Variants in COLGALT2 observed in about 807,000 individuals in gnomAD.
The protein encoded by COLGALT2 is collagen beta(1-O)galactosyltransferase 2, also known as procollagen galactosyltransferase 2.
In COLGALT2, 49 loss-of-function variants were observed where a neutral mutation model predicts 73.4. That is an observed-to-expected ratio of 0.67 (90% CI 0.53 to 0.85). The LOEUF is 0.85. Ranked by LOEUF, COLGALT2 falls within the 40% of genes least tolerant of loss-of-function variation. The pLI is 0.00. For synonymous variants in COLGALT2, 295 were observed against 307.6 expected (o/e 0.96, Z 0.43); for missense variants, 722 against 790.2 (o/e 0.91, Z 1.03).
intron 7 of COLGALT2, among the ~76,000 whole-genome samples, chr1:183,954,433 C>T (rs534186263): frequency 2.8e-4 from 42 of 152,252 alleles, no homozygotes; most frequent in African/African-American, 8.4e-4. Context: ...AACATGTATC[C>T]TCTGTATCTT....
At chr1:183,995,195 A>G (rs368985562) in intron 1 of COLGALT2, among the ~76,000 whole-genome samples, 26 of 152,234 alleles carry the variant, frequency 1.7e-4, no homozygotes, top group East Asian at 5.8e-4. Flanking sequence ...TGCAAATGTA[A>G]GTACTTCATC....
rs963607748 is a variant in COLGALT2, at chr1:183,937,473, G to C, written c.*1288C>G. The C allele has an allele frequency of 8.0e-5, 79 of 985,440 alleles. No homozygotes were observed. The highest frequency in any genetic ancestry group is 1.0e-3 in the Middle Eastern group (2 of 1,936). 61.0% of individuals were successfully genotyped at this position (985,440 alleles called of 1,614,324 possible). A position where few individuals can be genotyped will look rare whatever the true frequency, so the allele number is the denominator to read the frequency against. On this transcript the variant is annotated 3_prime_UTR_variant, in exon 12 of 12. Transcript: ENST00000361927. The stretch of plus-strand genomic sequence containing the variant: ...TCTTAGGGGATATCTTTTGAGAAAG[G>C]GTGTCCGCCTGGGATTCTAAGAGCT...
intron 8 of COLGALT2, among the ~76,000 whole-genome samples, chr1:183,947,405 A>G (rs1670281035): frequency 6.6e-6 from 1 of 152,218 alleles, no homozygotes; most frequent in Non-Finnish European, 1.5e-5. Flanking sequence ...GAAATCACAC[A>G]AGGTATGTTC....
Position 183,938,690 on chromosome 1 carries a change from A to G in COLGALT2, c.*71T>C. On this transcript the variant is annotated 3_prime_UTR_variant, in exon 12 of 12. Transcript: ENST00000361927. ...ACAAAACAAAACAGAAAACTGGAGC[A>G]AACAGATGAATAGCCCTTTAGAAAA... 1 of 1,563,004 alleles carries G rather than the reference A, an allele frequency of 6.4e-7. No homozygotes were observed. Among genetic ancestry groups the G allele is most frequent in the South Asian group, 1.2e-5 (1 of 81,498 alleles).
intron 1 of COLGALT2, among the ~76,000 whole-genome samples, chr1:183,996,191 G>A (rs1671765798): frequency 6.6e-6 from 1 of 152,198 alleles, no homozygotes; most frequent in Non-Finnish European, 1.5e-5. Flanking sequence ...ATGCTGGGGA[G>A]GAGGCGCACA....
At chr1:183,981,995 T>C (rs1252117115) in intron 1 of COLGALT2, among the ~76,000 whole-genome samples, 1 of 151,458 alleles carries the variant, frequency 6.6e-6, no homozygotes, top group Non-Finnish European at 1.5e-5. Context: ...AAATAGATAC[T>C]TAAATTAAAA....
At chr1:183,991,532 A>G (rs894549076) in intron 1 of COLGALT2, among the ~76,000 whole-genome samples, 11 of 152,234 alleles carry the variant, frequency 7.2e-5, no homozygotes, top group African/African-American at 2.7e-4. Flanking sequence ...CAGCCCAGTC[A>G]GTCACTGTTA....
Position 183,940,622 on chromosome 1 carries a change from T to C in COLGALT2, c.1563A>G (p.Pro521=). The C allele has an allele frequency of 1.2e-6, 2 of 1,614,232 alleles. No individual in the cohort carries two copies. Among genetic ancestry groups the C allele is most frequent in the Non-Finnish European group, 8.5e-7 (1 of 1,180,042 alleles). ...VGANPFGKML[P]VDEFLPVMYN... ...ACATGACTGGCAGAAACTCATCCAC[T>C]GGCAGCATCTTCCCAAAAGGATTGG... is the stretch of plus-strand genomic sequence containing the variant. Residue 521 remains proline (P), a synonymous_variant, in exon 11 of 12, where the codon CCA becomes CCG. Coordinates refer to ENST00000361927, the MANE Select transcript of COLGALT2 (RefSeq NM_015101.4).
downstream of COLGALT2, among the ~76,000 whole-genome samples, chr1:183,933,096 C>T (rs1473991516): frequency 1.3e-5 from 2 of 152,208 alleles, no homozygotes; most frequent in Non-Finnish European, 2.9e-5. Flanking sequence ...CAATCTCTCC[C>T]ATAGTTGCAG....
intron 1 of COLGALT2, among the ~76,000 whole-genome samples, chr1:184,014,408 C>T (rs1440820909): frequency 6.6e-6 from 1 of 152,132 alleles, no homozygotes; most frequent in East Asian, 1.9e-4. Flanking sequence ...CAAAGTGACA[C>T]TGGATTTAAT....
chr1:183,942,835 G>A (rs893496342), intron 10 of COLGALT2, among the ~76,000 whole-genome samples: 9 of 152,222 alleles, frequency 5.9e-5, no homozygotes, highest in Admixed American at 2.6e-4. Context: ...TGCATCTGTC[G>A]GTACTTTGTC....
Position 183,980,572 on chromosome 1 carries a change from G to GA in COLGALT2, c.264-2053dup, listed in dbSNP as rs200387059. On this transcript the variant is annotated intron_variant, in intron 1 of 11. Coordinates refer to ENST00000361927, the MANE Select transcript of COLGALT2 (RefSeq NM_015101.4). ...TAATTTCCAAGAAGAGAGTAAACAG[G>GA]AAAAAAACCCCAACTAGGCTCATGT... is the stretch of plus-strand genomic sequence containing the variant. 2.6e-3 allele frequency among the ~76,000 whole-genome samples: 391 copies of GA among 151,970 alleles called. 18 individuals are homozygous for GA. The East Asian group carries it at 0.06, about 23-fold the overall frequency.
At chr1:183,947,829 A>C (rs961893295) in intron 8 of COLGALT2, among the ~76,000 whole-genome samples, 1 of 152,152 alleles carries the variant, frequency 6.6e-6, no homozygotes. Context: ...AAGATCAACA[A>C]AATTGACAAT....
rs1339492543 is a variant in COLGALT2 at position 183,936,347 on chromosome 1, C to T, written c.*2414G>A. The stretch of plus-strand genomic sequence containing the variant: ...TCACATCTGCGGCTCACAGTGTTCA[C>T]CAGAAAAGAACACTGCTTGGGATTC... On this transcript the variant is annotated 3_prime_UTR_variant, in exon 12 of 12. Transcript: ENST00000361927. 1 of 976,252 alleles carries T rather than the reference C, an allele frequency of 1.0e-6. No individual in the cohort carries two copies. The highest frequency in any genetic ancestry group is 1.2e-6 in the Non-Finnish European group (1 of 824,934). The allele number at this position is 976,252 out of a possible 1,614,324, so 60.5% of individuals were successfully genotyped here. A position where few individuals can be genotyped will look rare whatever the true frequency, so the allele number is the denominator to read the frequency against.
chr1:184,016,778 G>C (rs962818685), intron 1 of COLGALT2, among the ~76,000 whole-genome samples: 1 of 152,138 alleles, frequency 6.6e-6, no homozygotes, highest in Non-Finnish European at 1.5e-5. Context: ...GCTGAGTAAT[G>C]CCACAAGCAT....
chr1:183,951,492 T>C (rs963615041), intron 7 of COLGALT2, among the ~76,000 whole-genome samples: 1 of 152,130 alleles, frequency 6.6e-6, no homozygotes, highest in Non-Finnish European at 1.5e-5. Context: ...GATAAACAGC[T>C]TCAGTAAAGT....
intron 1 of COLGALT2, among the ~76,000 whole-genome samples, chr1:183,999,034 T>C (rs1169791679): frequency 6.6e-6 from 1 of 152,110 alleles, no homozygotes; most frequent in Non-Finnish European, 1.5e-5. Flanking sequence ...ATTTTTAACC[T>C]TTTACTTCCT....
intron 1 of COLGALT2, among the ~76,000 whole-genome samples, chr1:184,012,315 T>G: frequency 6.6e-6 from 1 of 152,218 alleles, no homozygotes; most frequent in South Asian, 2.1e-4. Flanking sequence ...TATTCAGAGA[T>G]TTTGATAGTC....
At chr1:183,965,424 A>G (rs1670840353) in intron 5 of COLGALT2, among the ~76,000 whole-genome samples, 1 of 152,240 alleles carries the variant, frequency 6.6e-6, no homozygotes. Flanking sequence ...TTTACTTGCC[A>G]TCATACTTTC....
Sources: allele counts gnomAD v4.1 joint callset (sites outside exome capture counted in the v4.1 genomes callset), GRCh38; gene constraint gnomAD v4.1.1; transcripts MANE v1.5; gene names NCBI Gene and HGNC (gene_info 2026-07-23, HGNC 2026-07-21).